Variants in NFAM1 observed in about 807,000 individuals in gnomAD.
NFAM1 encodes the protein NFAT activation molecule 1.
NFAM1 carries 17 observed loss-of-function variants against 29.0 expected under a neutral mutation model. That is an observed-to-expected ratio of 0.59 (90% confidence interval 0.40 to 0.88). The LOEUF (loss-of-function observed/expected upper bound fraction) is 0.88, where lower values mean the gene tolerates loss of function less well. Among genes scored for constraint, NFAM1 ranks in the 40% least tolerant of loss-of-function variants. NFAM1 has a pLI of 0.00. For synonymous variants in NFAM1, 175 were observed against 147.2 expected (o/e 1.19, Z -1.36); for missense variants, 324 against 344.6 (o/e 0.94, Z 0.47).
chr22:42,395,272 G>A (rs936643099), intron 4 of NFAM1, among the ~76,000 whole-genome samples: 1 of 151,784 alleles, frequency 6.6e-6, no homozygotes, highest in Non-Finnish European at 1.5e-5. Flanking sequence ...TCAGGAGTTC[G>A]AGACCAGCCT....
Position 42,382,385 on chromosome 22 carries a change from A to C in NFAM1, c.*2776T>G, listed in dbSNP as rs1928985181. ...CTGTCTTGACTGTCACTGCAAACTG[A>C]GGCTCAGGTGGCCAGTGACTTGCCC... On this transcript the variant is annotated 3_prime_UTR_variant, in exon 6 of 6. Coordinates refer to ENST00000329021, the MANE Select transcript of NFAM1 (RefSeq NM_145912.8). 1 of 152,086 alleles carries C rather than the reference A, an allele frequency of 6.6e-6. No homozygotes were observed. The highest frequency in any genetic ancestry group is 1.5e-5 in the Non-Finnish European group (1 of 68,018). 9.4% of individuals were successfully genotyped at this position (152,086 alleles called of 1,614,324 possible).
At chr22:42,437,788 G>C in the NFAM1 span, among the ~76,000 whole-genome samples, 1 of 152,208 alleles carries the variant, frequency 6.6e-6, no homozygotes, top group African/African-American at 2.4e-5. Context: ...AGCGGCAGTG[G>C]GATAGGGCAG....
intron 1 of NFAM1, among the ~76,000 whole-genome samples, chr22:42,413,684 G>A (rs1428866604): frequency 6.6e-6 from 1 of 152,064 alleles, no homozygotes; most frequent in East Asian, 1.9e-4. Flanking sequence ...CACATAAGAA[G>A]GCAAGGCCAG....
intron 5 of NFAM1, 117 bp downstream of exon 5, chr22:42,386,872 G>T: frequency 1.7e-6 from 1 of 605,720 alleles, no homozygotes; most frequent in Non-Finnish European, 2.9e-6. Context: ...CCAGGAGATG[G>T]CTGGGATTCC....
upstream of NFAM1, among the ~76,000 whole-genome samples, chr22:42,436,386 G>C (rs912404815): frequency 2.0e-5 from 3 of 152,174 alleles, no homozygotes; most frequent in African/African-American, 7.2e-5. Flanking sequence ...AGGCAAAAAG[G>C]GTTCCAGGGT....
At chr22:42,415,392 TG>T (rs1017229202) in intron 1 of NFAM1, among the ~76,000 whole-genome samples, 9 of 148,046 alleles carry the variant, frequency 6.1e-5, no homozygotes, top group Non-Finnish European at 1.0e-4. Context: ...CTCTACCTCC[TG>T]GGTTCACGCC....
chr22:42,424,484 A>G (rs1252951393), intron 1 of NFAM1, among the ~76,000 whole-genome samples: 1 of 152,210 alleles, frequency 6.6e-6, no homozygotes, highest in Non-Finnish European at 1.5e-5. Flanking sequence ...AGAAATGACA[A>G]CAAAATCTCA....
intron 5 of NFAM1, among the ~76,000 whole-genome samples, chr22:42,386,392 AACAAAC>A (rs1406668723): frequency 2.2e-4 from 11 of 48,978 alleles, no homozygotes; most frequent in East Asian, 5.9e-4. Flanking sequence ...AACAAAAACA[AACAAAC>A]ACACACACAC....
intron 1 of NFAM1, among the ~76,000 whole-genome samples, chr22:42,425,818 T>G (rs1363188896): frequency 6.6e-6 from 1 of 152,238 alleles, no homozygotes; most frequent in Admixed American, 6.5e-5. Context: ...TCCTTGGCTC[T>G]GCCCACAGCC....
At chr22:42,435,343 TCTTTC>T (rs1161630134), upstream of NFAM1, among the ~76,000 whole-genome samples, 1 of 132,644 alleles carries the variant, frequency 7.5e-6, no homozygotes, top group East Asian at 2.0e-4. Flanking sequence ...CTTTTTCTTT[TCTTTC>T]TTTTTTTTTT....
chr22:42,404,580 C>T (rs1929830489), intron 3 of NFAM1, among the ~76,000 whole-genome samples: 1 of 152,172 alleles, frequency 6.6e-6, no homozygotes. Flanking sequence ...CAGCAGAAAG[C>T]TTCTGCTGTG....
In NFAM1 at chr22:42,432,271, G is replaced by T; in HGVS notation, c.87C>A (p.Gly29=). Residue 29 remains glycine (G), a synonymous_variant, in exon 1 of 6, where the codon GGC becomes GGA. Coordinates refer to ENST00000329021, the MANE Select transcript of NFAM1 (RefSeq NM_145912.8). ...GCAGGGTCCCGGGCAGCAGCAGCAC[G>T]CCAAGGAGGAGCCAGGGGGCTGCGG... ...GLPAAPWLLL[G]VLLLPGTLRL... 2 of 1,572,704 alleles carry T rather than the reference G, an allele frequency of 1.3e-6. No homozygotes were observed. The highest frequency in any genetic ancestry group is 1.3e-5 in the African/African-American group (1 of 74,098).
chr22:42,427,299 G>A (rs1262450996), intron 1 of NFAM1, among the ~76,000 whole-genome samples: 1 of 152,082 alleles, frequency 6.6e-6, no homozygotes. Flanking sequence ...CTACACAGGG[G>A]GTCTCATTAC....
At chr22:42,430,282 G>C (rs112718134) in intron 1 of NFAM1, among the ~76,000 whole-genome samples, 1 of 151,186 alleles carries the variant, frequency 6.6e-6, no homozygotes, top group Non-Finnish European at 1.5e-5. Context: ...AAAACAGGAC[G>C]GGCACAGTGG....
intron 4 of NFAM1, among the ~76,000 whole-genome samples, chr22:42,393,558 G>A (rs1157419831): frequency 2.0e-5 from 3 of 148,898 alleles, no homozygotes; most frequent in Non-Finnish European, 4.4e-5. Context: ...ACAGGCGCCC[G>A]CCACCACGCC....
the NFAM1 span, among the ~76,000 whole-genome samples, chr22:42,437,762 A>G: frequency 6.6e-6 from 1 of 152,154 alleles, no homozygotes; most frequent in African/African-American, 2.4e-5. Context: ...GCCTAGCAAG[A>G]TCAAGATAGG....
At chr22:42,385,949 G>A (rs935822590) in intron 5 of NFAM1, among the ~76,000 whole-genome samples, 1 of 152,172 alleles carries the variant, frequency 6.6e-6, no homozygotes, top group Non-Finnish European at 1.5e-5. Context: ...GCTGAACAAC[G>A]CCTCACGCTT....
upstream of NFAM1, among the ~76,000 whole-genome samples, chr22:42,435,966 C>A (rs1481605365): frequency 6.6e-6 from 1 of 151,824 alleles, no homozygotes; most frequent in African/African-American, 2.4e-5. Context: ...ATTACAGGCG[C>A]CTGCCACCAC....
intron 1 of NFAM1, among the ~76,000 whole-genome samples, chr22:42,423,768 T>C (rs1024789761): frequency 6.6e-6 from 1 of 151,266 alleles, no homozygotes; most frequent in African/African-American, 2.4e-5. Flanking sequence ...TTGCCCAGGC[T>C]GGAGTGCAGT....
Sources: gnomAD v4.1 joint callset for allele counts (sites outside exome capture counted in the v4.1 genomes callset) on GRCh38, gnomAD v4.1.1 for gene constraint, MANE v1.5 for transcripts, NCBI Gene and HGNC (gene_info 2026-07-23, HGNC 2026-07-21) for gene names.